The following MACROD2 variants were observed in gnomAD, a reference collection of about 807,000 sequenced individuals.
MACROD2 encodes the protein mono-ADP ribosylhydrolase 2.
A neutral mutation model predicts 70.4 loss-of-function variants in MACROD2; 36 were observed. The ratio of observed to expected loss-of-function variants is 0.51; its 90% CI spans 0.39 to 0.68. The LOEUF (loss-of-function observed/expected upper bound fraction) is 0.68. Ranked by LOEUF, MACROD2 falls within the 30% of genes least tolerant of loss-of-function variation. The pLI, the probability that MACROD2 is intolerant of heterozygous loss-of-function variation, is 0.00. For missense variants in MACROD2, 496 were observed against 538.4 expected, an observed-to-expected ratio of 0.92 and a Z score of 0.78; for synonymous variants, 172 against 178.8, an observed-to-expected ratio of 0.96 and a Z score of 0.30.
intron 8 of MACROD2, among the ~76,000 whole-genome samples, chr20:15,535,898 G>A (rs1210499657): frequency 2.0e-5 from 3 of 152,178 alleles, no homozygotes; most frequent in African/African-American, 7.2e-5. Context: ...TTTCTGGGAA[G>A]CATAGGTATG....
rs538641649 is a variant in MACROD2, at chr20:15,336,784, C to T, written c.541-94621C>T. 6.6e-5 allele frequency among the ~76,000 whole-genome samples: 10 copies of T among 151,708 alleles called. No homozygotes were observed. The East Asian group carries it at 9.7e-4, about 15-fold the overall frequency. On this transcript the variant is annotated intron_variant, in intron 6 of 17. Coordinates refer to ENST00000684519, the MANE Select transcript of MACROD2 (RefSeq NM_001351661.2). ...TAAGCATTCCATTTTTCCTTTTAAC[C>T]GTAACACTGTTGCTTTAAGTTGATT...
intron 3 of MACROD2, among the ~76,000 whole-genome samples, chr20:14,341,035 A>G (rs1007474375): frequency 3.3e-5 from 5 of 152,190 alleles, no homozygotes; most frequent in Non-Finnish European, 7.3e-5. Context: ...ACCAGCTGAA[A>G]CTGACTAAAA....
chr20:14,584,165 A>G (rs1600416072), intron 4 of MACROD2, among the ~76,000 whole-genome samples: 1 of 152,276 alleles, frequency 6.6e-6, no homozygotes, highest in South Asian at 2.1e-4. Context: ...GTGGGTCCAA[A>G]TTTCCCACAA....
intron 2 of MACROD2, among the ~76,000 whole-genome samples, chr20:14,013,197 T>C (rs2052937539): frequency 6.6e-6 from 1 of 152,112 alleles, no homozygotes; most frequent in Admixed American, 6.5e-5. Context: ...TGTTCCAATA[T>C]ATTTATTGAA....
intron 4 of MACROD2, among the ~76,000 whole-genome samples, chr20:14,564,693 T>A (rs1979660696): frequency 6.6e-6 from 1 of 151,768 alleles, no homozygotes. Context: ...AAGCAATACA[T>A]GTTGGCAAGG....
intron 4 of MACROD2, among the ~76,000 whole-genome samples, chr20:14,673,339 A>G (rs2070818178): frequency 6.6e-6 from 1 of 152,200 alleles, no homozygotes; most frequent in Non-Finnish European, 1.5e-5. Flanking sequence ...AGCTGTGTCA[A>G]TAAAACAAGA....
At chr20:15,703,799 G>A (rs1318066606) in intron 8 of MACROD2, among the ~76,000 whole-genome samples, 2 of 152,132 alleles carry the variant, frequency 1.3e-5, no homozygotes, top group Non-Finnish European at 2.9e-5. Flanking sequence ...AATTGGTGCT[G>A]GTATTGCTTT....
At chr20:15,129,022 T>G (rs1055811476) in intron 5 of MACROD2, among the ~76,000 whole-genome samples, 1 of 152,046 alleles carries the variant, frequency 6.6e-6, no homozygotes, top group Non-Finnish European at 1.5e-5. Context: ...TCTTTTTTAG[T>G]GTATTTTGTG....
intron 5 of MACROD2, among the ~76,000 whole-genome samples, chr20:15,189,467 G>T (rs2076555921): frequency 1.3e-5 from 2 of 152,064 alleles, no homozygotes; most frequent in African/African-American, 4.8e-5. Flanking sequence ...TTCACTTGTA[G>T]CTGTGTTTGT....
intron 13 of MACROD2, among the ~76,000 whole-genome samples, chr20:15,975,299 A>G (rs2066290044): frequency 6.6e-6 from 1 of 152,170 alleles, no homozygotes. Context: ...GGAGACTGAA[A>G]GGCATAACCT....
At chr20:14,383,710 T>G (rs1445549192) in intron 3 of MACROD2, among the ~76,000 whole-genome samples, 1 of 152,204 alleles carries the variant, frequency 6.6e-6, no homozygotes, top group Non-Finnish European at 1.5e-5. Flanking sequence ...TTAGAGAAAT[T>G]GTGTTGACTT....
At chr20:14,314,659 C>T (rs1037223114) in intron 3 of MACROD2, among the ~76,000 whole-genome samples, 155 of 152,194 alleles carry the variant, frequency 1.0e-3, no homozygotes, top group African/African-American at 3.6e-3. Context: ...ACTTGGGAGG[C>T]TGAGGCAGGA....
intron 6 of MACROD2, among the ~76,000 whole-genome samples, chr20:15,328,092 G>A (rs1858720603): frequency 6.6e-6 from 1 of 152,076 alleles, no homozygotes; most frequent in Admixed American, 6.6e-5. Flanking sequence ...CAAGGTCCAA[G>A]GTGGGGATGT....
rs139207811 is a variant in MACROD2, at chr20:15,880,169, C to T, written c.728-5595C>T. On this transcript the variant is annotated intron_variant, in intron 9 of 17. Transcript: ENST00000684519. The stretch of plus-strand genomic sequence containing the variant: ...TGACCAAATGTTTGAGCACTCTGGA[C>T]CAGTCACCTTGACACATAAAATTAA... Among the ~76,000 whole-genome samples the T allele has an allele frequency of 3.0e-3, 452 of 152,152 alleles. 3 individuals are homozygous for T. The highest frequency in any genetic ancestry group is 0.01 in the African/African-American group (434 of 41,540).
intron 5 of MACROD2, among the ~76,000 whole-genome samples, chr20:14,721,932 T>G (rs2071474959): frequency 2.6e-5 from 4 of 152,174 alleles, no homozygotes; most frequent in Admixed American, 2.6e-4. Flanking sequence ...TTATATAGAC[T>G]TAGGCCCATG....
intron 6 of MACROD2, among the ~76,000 whole-genome samples, chr20:15,250,048 C>T (rs1405668950): frequency 6.6e-6 from 1 of 152,192 alleles, no homozygotes; most frequent in Non-Finnish European, 1.5e-5. Context: ...CCTGGCCACC[C>T]TCTTGTGTCT....
At chr20:15,256,472 TA>T (rs1362934992) in intron 6 of MACROD2, among the ~76,000 whole-genome samples, 3 of 151,868 alleles carry the variant, frequency 2.0e-5, no homozygotes, top group South Asian at 4.1e-4. Flanking sequence ...AATTAGTACC[TA>T]AAATAAAGTG....
chr20:15,224,340 T>C (rs2076886876), intron 5 of MACROD2, among the ~76,000 whole-genome samples: 1 of 152,254 alleles, frequency 6.6e-6, no homozygotes, highest in African/African-American at 2.4e-5. Context: ...ATGAGATTCA[T>C]GACAAACATG....
At chr20:14,365,115 G>C (rs1027808920) in intron 3 of MACROD2, among the ~76,000 whole-genome samples, 1 of 152,044 alleles carries the variant, frequency 6.6e-6, no homozygotes, top group African/African-American at 2.4e-5. Flanking sequence ...GTCTTTGATG[G>C]GTGGTTTTTG....
Sources: gnomAD v4.1 joint callset for allele counts (sites outside exome capture counted in the v4.1 genomes callset) on GRCh38, gnomAD v4.1.1 for gene constraint, MANE v1.5 for transcripts, NCBI Gene and HGNC (gene_info 2026-07-23, HGNC 2026-07-21) for gene names.